The following PITPNC1 variants were observed in gnomAD, a reference collection of about 807,000 sequenced individuals.
The protein encoded by PITPNC1 is phosphatidylinositol transfer protein cytoplasmic 1, also known as cytoplasmic phosphatidylinositol transfer protein 1.
In PITPNC1, 18 loss-of-function variants were observed where a neutral mutation model predicts 44.7. The ratio of observed to expected loss-of-function variants is 0.40; its 90% CI spans 0.28 to 0.60. PITPNC1 has a LOEUF of 0.60. PITPNC1 is among the 20% of genes least tolerant of loss of function. The pLI, the probability that PITPNC1 is intolerant of heterozygous loss-of-function variation, is 0.39. For synonymous variants in PITPNC1, 141 were observed against 149.6 expected, an observed-to-expected ratio of 0.94 and a Z score of 0.42; for missense variants, 290 against 418.4, an observed-to-expected ratio of 0.69 and a Z score of 2.68.
intron 5 of PITPNC1, among the ~76,000 whole-genome samples, chr17:67,585,856 A>G (rs2041308514): frequency 1.3e-5 from 2 of 152,216 alleles, no homozygotes; most frequent in Non-Finnish European, 1.5e-5. Context: ...CGTAGGGAGA[A>G]GGCAGCCATC....
intron 8 of PITPNC1, among the ~76,000 whole-genome samples, chr17:67,682,833 T>A (rs1045323485): frequency 6.6e-6 from 1 of 152,184 alleles, no homozygotes; most frequent in African/African-American, 2.4e-5. Context: ...TGTTTACCAA[T>A]GTATTTGCAA....
At chr17:67,381,824 A>G (rs1170465287) in intron 1 of PITPNC1, among the ~76,000 whole-genome samples, 1 of 152,220 alleles carries the variant, frequency 6.6e-6, no homozygotes, top group Non-Finnish European at 1.5e-5. Context: ...GCAAATGCTC[A>G]TGCTTTGAAG....
intron 2 of PITPNC1, among the ~76,000 whole-genome samples, chr17:67,551,905 C>A (rs1403354115): frequency 1.3e-5 from 2 of 152,116 alleles, no homozygotes; most frequent in African/African-American, 4.8e-5. Context: ...TTAAACATTC[C>A]GTGATACCAC....
chr17:67,454,940 C>T (rs943681734), intron 1 of PITPNC1, among the ~76,000 whole-genome samples: 1 of 151,922 alleles, frequency 6.6e-6, no homozygotes, highest in Non-Finnish European at 1.5e-5. Context: ...CCACTTCAGC[C>T]CCCTGAGTAG....
chr17:67,629,613 C>T (rs910245327), intron 5 of PITPNC1, among the ~76,000 whole-genome samples: 5 of 152,252 alleles, frequency 3.3e-5, no homozygotes, highest in Non-Finnish European at 4.4e-5. Flanking sequence ...TGTCTCTCTT[C>T]TCTTAGCTCA....
intron 1 of PITPNC1, among the ~76,000 whole-genome samples, chr17:67,426,620 C>T (rs1191179553): frequency 7.0e-6 from 1 of 142,544 alleles, no homozygotes; most frequent in Non-Finnish European, 1.5e-5. Flanking sequence ...GGGTGGGGGG[C>T]GAGGGGAGGG....
chr17:67,387,851 T>C (rs886632834), intron 1 of PITPNC1, among the ~76,000 whole-genome samples: 1 of 152,224 alleles, frequency 6.6e-6, no homozygotes, highest in Admixed American at 6.5e-5. Flanking sequence ...GAGAAAATAC[T>C]GATACAATCT....
At chr17:67,389,034 G>T (rs138804180) in intron 1 of PITPNC1, among the ~76,000 whole-genome samples, 1 of 152,328 alleles carries the variant, frequency 6.6e-6, no homozygotes, top group East Asian at 1.9e-4. Flanking sequence ...TCTGCTCAGG[G>T]TCTCATAAAG....
chr17:67,386,211 G>C (rs1488766110), intron 1 of PITPNC1, among the ~76,000 whole-genome samples: 1 of 152,150 alleles, frequency 6.6e-6, no homozygotes, highest in Admixed American at 6.6e-5. Flanking sequence ...TTTATTTTGA[G>C]ACGGAGTTTT....
chr17:67,442,855 A>C (rs1193413883), intron 1 of PITPNC1, among the ~76,000 whole-genome samples: 2 of 151,958 alleles, frequency 1.3e-5, no homozygotes, highest in Admixed American at 6.6e-5. Context: ...ACTCTGTCCC[A>C]GAAAAACTAA....
chr17:67,427,451 A>G (rs988742529), intron 1 of PITPNC1, among the ~76,000 whole-genome samples: 9 of 151,970 alleles, frequency 5.9e-5, no homozygotes, highest in African/African-American at 2.2e-4. Context: ...TGACCTTGTG[A>G]TCCTCCTGCC....
intron 5 of PITPNC1, among the ~76,000 whole-genome samples, chr17:67,620,506 C>T (rs2041815539): frequency 6.6e-6 from 1 of 152,154 alleles, no homozygotes; most frequent in African/African-American, 2.4e-5. Context: ...CTTCCAACCC[C>T]TCACCCTTCT....
In PITPNC1 at chr17:67,636,243, C is replaced by T. The variant is rs2042030714; in HGVS notation, c.462+4005C>T. On this transcript the variant is annotated intron_variant, in intron 6 of 8. Transcript: ENST00000581322. ...AACCCAGGAGGCCGAGATTGCGCTACTGCACTCCAGCCCAGGCGACAGTGC... is the reference window on the plus strand; with the variant it reads ...AACCCAGGAGGCCGAGATTGCGCTATTGCACTCCAGCCCAGGCGACAGTGC... Among the ~76,000 whole-genome samples, 3 of 144,174 alleles carry T rather than the reference C, an allele frequency of 2.1e-5. No individual in the cohort carries two copies. The South Asian group carries it at 6.5e-4, about 31-fold the overall frequency. 94.6% of individuals were successfully genotyped at this position (144,174 alleles called of 152,430 possible).
chr17:67,644,486 G>A (rs905420316), intron 6 of PITPNC1, among the ~76,000 whole-genome samples: 2 of 147,516 alleles, frequency 1.4e-5, no homozygotes, highest in Admixed American at 6.9e-5. Flanking sequence ...CCAGGCTGGA[G>A]GGCAGTGTCA....
At chr17:67,521,037 G>A (rs1046245935) in intron 1 of PITPNC1, among the ~76,000 whole-genome samples, 20 of 152,192 alleles carry the variant, frequency 1.3e-4, no homozygotes, top group African/African-American at 3.9e-4. Context: ...CATAGACTAT[G>A]AAGACTATTG....
At chr17:67,389,110 A>G (rs183339827) in intron 1 of PITPNC1, among the ~76,000 whole-genome samples, 13 of 152,278 alleles carry the variant, frequency 8.5e-5, no homozygotes, top group Non-Finnish European at 1.5e-4. Flanking sequence ...CAGGGTTCAC[A>G]TGGTTGTTGG....
At chr17:67,483,864 T>G (rs946046690) in intron 1 of PITPNC1, among the ~76,000 whole-genome samples, 1 of 152,108 alleles carries the variant, frequency 6.6e-6, no homozygotes, top group African/African-American at 2.4e-5. Context: ...CAGCCAGCAC[T>G]GTTGGTTGTC....
chr17:67,410,226 A>T (rs1382179249), intron 1 of PITPNC1, among the ~76,000 whole-genome samples: 1 of 152,252 alleles, frequency 6.6e-6, no homozygotes, highest in Non-Finnish European at 1.5e-5. Flanking sequence ...AGCAAGAATT[A>T]AATAAGCAAA....
chr17:67,585,275 G>T (rs984909420), intron 5 of PITPNC1, among the ~76,000 whole-genome samples: 3 of 152,144 alleles, frequency 2.0e-5, no homozygotes, highest in African/African-American at 7.2e-5. Flanking sequence ...GAGGCCATGT[G>T]GTCAGAAAGG....
Sources: gnomAD v4.1 joint callset for allele counts (sites outside exome capture counted in the v4.1 genomes callset) on GRCh38, gnomAD v4.1.1 for gene constraint, MANE v1.5 for transcripts, NCBI Gene and HGNC (gene_info 2026-07-23, HGNC 2026-07-21) for gene names.